The following ACSL4 variants were observed in gnomAD, a reference collection of about 807,000 sequenced individuals.
The protein encoded by ACSL4 is long-chain-fatty-acid--CoA ligase 4.
A neutral mutation model predicts 49.1 loss-of-function variants in ACSL4; 9 were observed. The observed-to-expected ratio is 0.18, with a 90% CI of 0.11 to 0.32. The LOEUF is 0.32. ACSL4 is among the 10% of genes least tolerant of loss of function. The pLI, the probability that ACSL4 is intolerant of heterozygous loss-of-function variation, is 1.00. For missense variants in ACSL4, 333 were observed against 493.7 expected (o/e 0.67, Z 3.08); for synonymous variants, 191 against 170.3 (o/e 1.12, Z -0.95).
intron 14 of ACSL4, among the ~76,000 whole-genome samples, chrX:109,660,863 T>C (rs749444479): frequency 1.4e-4 from 16 of 111,136 alleles, no homozygotes; most frequent in Non-Finnish European, 2.6e-4. Flanking sequence ...TCTACTTGTG[T>C]GAGATTTCTA....
intron 2 of ACSL4, among the ~76,000 whole-genome samples, chrX:109,695,084 T>C (rs974766058): frequency 5.1e-4 from 57 of 111,351 alleles, no homozygotes; most frequent in Non-Finnish European, 1.1e-4. Context: ...TGGTGGCTCA[T>C]GCCTGTAATC....
intron 8 of ACSL4, among the ~76,000 whole-genome samples, chrX:109,675,392 C>T (rs1923596111): frequency 8.9e-6 from 1 of 112,528 alleles, no homozygotes; most frequent in Non-Finnish European, 1.9e-5. Flanking sequence ...CAGTTGGCTC[C>T]AAATGTGGTG....
chrX:109,724,728 A>G (rs1162732231), intron 1 of ACSL4, among the ~76,000 whole-genome samples: 2 of 108,498 alleles, frequency 1.8e-5, no homozygotes, highest in Non-Finnish European at 3.8e-5. Context: ...CCTGGCCAAC[A>G]TGGCGAAACC....
chrX:109,660,545 T>C (rs1367753929), intron 14 of ACSL4, among the ~76,000 whole-genome samples: 2 of 111,537 alleles, frequency 1.8e-5, no homozygotes, highest in Non-Finnish European at 3.8e-5. Flanking sequence ...AAATTAAAAA[T>C]AGAACTGTCA....
At chrX:109,685,096 T>G (rs1384570082) in intron 2 of ACSL4, among the ~76,000 whole-genome samples, 2 of 100,797 alleles carry the variant, frequency 2.0e-5, no homozygotes, top group Non-Finnish European at 4.1e-5. Context: ...TTCTTTTTTT[T>G]TTTTTTTTTT....
At chrX:109,644,966 G>A (rs1184074389) in intron 15 of ACSL4, among the ~76,000 whole-genome samples, 1 of 113,049 alleles carries the variant, frequency 8.8e-6, no homozygotes, top group Non-Finnish European at 1.9e-5. Flanking sequence ...TTTCCGACAG[G>A]CTTAAAAAAC....
chrX:109,644,647 C>A (rs1461081106), intron 15 of ACSL4, among the ~76,000 whole-genome samples: 1 of 112,157 alleles, frequency 8.9e-6, no homozygotes, highest in Non-Finnish European at 1.9e-5. Context: ...ACATCCCTGA[C>A]CACTCATAAC....
At chrX:109,727,592 C>A (rs962612532) in intron 1 of ACSL4, among the ~76,000 whole-genome samples, 2 of 109,536 alleles carry the variant, frequency 1.8e-5, no homozygotes, top group African/African-American at 6.6e-5. Flanking sequence ...AATGCACTCT[C>A]CTGAATCACA....
intron 2 of ACSL4, among the ~76,000 whole-genome samples, chrX:109,690,521 G>A (rs1010817921): frequency 9.0e-6 from 1 of 111,594 alleles, no homozygotes; most frequent in Non-Finnish European, 1.9e-5. Context: ...CTTTGAGGTA[G>A]TACCTTCATT....
intron 4 of ACSL4, among the ~76,000 whole-genome samples, chrX:109,681,730 A>C (rs1428319985): frequency 8.9e-6 from 1 of 112,157 alleles, no homozygotes; most frequent in Admixed American, 9.5e-5. Context: ...TTCTTGATAC[A>C]CACTTTCATT....
intron 2 of ACSL4, chrX:109,685,587 G>A (rs1924549194): frequency 9.0e-6 from 1 of 111,349 alleles, no homozygotes; most frequent in African/African-American, 3.3e-5. Context: ...CTAGTTGATT[G>A]TTTTTATACC....
Position 109,642,863 on chromosome X carries a change from G to A in ACSL4, c.*1166C>T, listed in dbSNP as rs1420815187. On this transcript the variant is annotated 3_prime_UTR_variant, in exon 16 of 16. Coordinates refer to ENST00000672401, the MANE Select transcript of ACSL4 (RefSeq NM_001318510.2). ...CCAAACAGGAAAAAATGATAACAGT[G>A]TTTTCTTCCCTTTAACTTCCCAAAA... 2 of 110,977 alleles carry A rather than the reference G, an allele frequency of 1.8e-5. No homozygotes were observed. Among genetic ancestry groups the A allele is most frequent in the Non-Finnish European group, 3.8e-5 (2 of 52,815 alleles). 9.1% of individuals were successfully genotyped at this position (110,977 alleles called of 1,213,427 possible).
At chrX:109,707,354 A>G (rs1926430294) in intron 1 of ACSL4, among the ~76,000 whole-genome samples, 1 of 112,743 alleles carries the variant, frequency 8.9e-6, no homozygotes, top group Non-Finnish European at 1.9e-5. Flanking sequence ...AAGGCACTTT[A>G]TATACTGTTG....
chrX:109,730,783 C>T (rs745410082), intron 1 of ACSL4, among the ~76,000 whole-genome samples: 1 of 112,316 alleles, frequency 8.9e-6, no homozygotes, highest in East Asian at 2.8e-4. Context: ...TCTTCTGCCT[C>T]AGCCTCCCAA....
chrX:109,675,983 T>C (rs757643251), intron 8 of ACSL4, among the ~76,000 whole-genome samples: 174 of 111,828 alleles, frequency 1.6e-3, no homozygotes, highest in African/African-American at 5.5e-3. Context: ...ACAAAGATTG[T>C]GTTTCTTAAA....
chrX:109,658,883 G>A (rs1921930077), intron 15 of ACSL4, among the ~76,000 whole-genome samples: 1 of 111,933 alleles, frequency 8.9e-6, no homozygotes, highest in Non-Finnish European at 1.9e-5. Context: ...ACTACTTTCT[G>A]TATTCCTAGT....
intron 15 of ACSL4, among the ~76,000 whole-genome samples, chrX:109,656,399 C>T (rs1032521226): frequency 5.4e-5 from 6 of 110,686 alleles, no homozygotes; most frequent in Non-Finnish European, 1.1e-4. Flanking sequence ...ATAATCATAA[C>T]GGAAACCTGG....
At chrX:109,700,538 T>TAAA (rs562313936) in intron 1 of ACSL4, among the ~76,000 whole-genome samples, 1 of 51,145 alleles carries the variant, frequency 2.0e-5, no homozygotes. Flanking sequence ...CTCTGTCTCA[T>TAAA]AAAAAAAAAA....
chrX:109,731,515 C>T (rs1271182293), intron 1 of ACSL4, among the ~76,000 whole-genome samples: 1 of 107,293 alleles, frequency 9.3e-6, no homozygotes, highest in African/African-American at 3.4e-5. Flanking sequence ...CTCACCCCTA[C>T]CAAAAATACT....
Sources: gnomAD v4.1 joint callset for allele counts (sites outside exome capture counted in the v4.1 genomes callset) on GRCh38, gnomAD v4.1.1 for gene constraint, MANE v1.5 for transcripts, NCBI Gene and HGNC (gene_info 2026-07-23, HGNC 2026-07-21) for gene names.